Variants in NUDCD1 observed in about 807,000 individuals in gnomAD.
The protein encoded by NUDCD1 is nudC domain-containing protein 1.
Under a neutral mutation model 67.8 loss-of-function variants are expected in NUDCD1, and 60 were observed. That is an observed-to-expected ratio of 0.88 (90% CI 0.72 to 1.10). The LOEUF (loss-of-function observed/expected upper bound fraction) is 1.10. NUDCD1 is among the 50% of genes least tolerant of loss of function. The pLI is 0.00. For missense variants in NUDCD1, 643 were observed against 695.0 expected (o/e 0.93, Z 0.84); for synonymous variants, 244 against 230.8 (o/e 1.06, Z -0.52).
At chr8:109,300,610 A>G (rs1586290964) in intron 2 of NUDCD1, among the ~76,000 whole-genome samples, 1 of 152,172 alleles carries the variant, frequency 6.6e-6, no homozygotes, top group East Asian at 1.9e-4. Context: ...ATGTTAAATG[A>G]CCAAACCTAA....
intron 5 of NUDCD1, among the ~76,000 whole-genome samples, chr8:109,287,455 G>T (rs762520226): frequency 6.6e-6 from 1 of 152,100 alleles, no homozygotes; most frequent in African/African-American, 2.4e-5. Flanking sequence ...ATACTACACA[G>T]CCAGGTAAAA....
chr8:109,323,340 T>C (rs949432351), intron 1 of NUDCD1, among the ~76,000 whole-genome samples: 6 of 152,198 alleles, frequency 3.9e-5, no homozygotes, highest in African/African-American at 1.4e-4. Context: ...CTGTCTGACT[T>C]ATATTCATTT....
At chr8:109,250,158 T>C (rs987303501) in intron 8 of NUDCD1, among the ~76,000 whole-genome samples, 2 of 152,196 alleles carry the variant, frequency 1.3e-5, no homozygotes, top group African/African-American at 2.4e-5. Flanking sequence ...AATTGTTGAA[T>C]TCTTTACTTC....
intron 6 of NUDCD1, among the ~76,000 whole-genome samples, chr8:109,276,277 A>G (rs1814285396): frequency 6.6e-6 from 1 of 152,188 alleles, no homozygotes; most frequent in African/African-American, 2.4e-5. Flanking sequence ...AACTTGTCCC[A>G]TGTTCCTCTG....
chr8:109,290,892 A>C (rs1266066710), intron 4 of NUDCD1, among the ~76,000 whole-genome samples: 1 of 152,152 alleles, frequency 6.6e-6, no homozygotes, highest in African/African-American at 2.4e-5. Context: ...TTTTACTCAA[A>C]ATCCTCACCT....
Position 109,243,391 on chromosome 8 carries a change from T to C in NUDCD1, c.1460-90A>G, listed in dbSNP as rs1272111129. The C allele has an allele frequency of 9.4e-6, 10 of 1,062,018 alleles. No individual in the cohort carries two copies. The East Asian group carries it at 2.2e-4, about 24-fold the overall frequency. The allele number at this position is 1,062,018 out of a possible 1,614,324, so 65.8% of individuals were successfully genotyped here. A position where few individuals can be genotyped will look rare whatever the true frequency, so the allele number is the denominator to read the frequency against. Reference sequence around the variant, plus strand: ...TTTAACATTTAATATTTTGCAATGTTTATTACAAATTAAAATGCCCAAGTA... The same window carrying C: ...TTTAACATTTAATATTTTGCAATGTCTATTACAAATTAAAATGCCCAAGTA... On this transcript the variant is annotated intron_variant, in intron 9 of 9. Transcript: ENST00000239690.
intron 5 of NUDCD1, among the ~76,000 whole-genome samples, chr8:109,288,679 T>C (rs1004589056): frequency 1.3e-5 from 2 of 152,204 alleles, no homozygotes; most frequent in African/African-American, 4.8e-5. Flanking sequence ...GCTCTGCTTA[T>C]GGAGTAGCCA....
chr8:109,303,167 C>T (rs1375077578), intron 2 of NUDCD1, among the ~76,000 whole-genome samples: 2 of 152,180 alleles, frequency 1.3e-5, no homozygotes, highest in South Asian at 4.1e-4. Context: ...TGTGGGACCC[C>T]ACTGGAAATC....
intron 8 of NUDCD1, among the ~76,000 whole-genome samples, chr8:109,260,777 A>G (rs1316949173): frequency 6.7e-6 from 1 of 149,882 alleles, no homozygotes; most frequent in Non-Finnish European, 1.5e-5. Flanking sequence ...TCTCTGGGAT[A>G]TCACATAAAT....
At chr8:109,320,567 A>T (rs1011258012) in intron 2 of NUDCD1, among the ~76,000 whole-genome samples, 12 of 152,208 alleles carry the variant, frequency 7.9e-5, no homozygotes, top group Admixed American at 7.9e-4. Context: ...CAATTTGTGC[A>T]GTTAATGCAA....
At chr8:109,245,530 G>C (rs770673946) in intron 8 of NUDCD1, 49 bp from the exon 9 acceptor site, 1 of 1,445,366 alleles carries the variant, frequency 6.9e-7, no homozygotes, top group East Asian at 2.4e-5. Flanking sequence ...ATTAATAATA[G>C]CAACAATAAC....
intron 4 of NUDCD1, among the ~76,000 whole-genome samples, chr8:109,291,644 G>C (rs1398651832): frequency 6.6e-6 from 1 of 152,074 alleles, no homozygotes; most frequent in Non-Finnish European, 1.5e-5. Flanking sequence ...TAGTAGTCTG[G>C]GAGAGAAGGA....
intron 2 of NUDCD1, among the ~76,000 whole-genome samples, chr8:109,318,243 T>C (rs1815449018): frequency 6.6e-6 from 1 of 152,184 alleles, no homozygotes; most frequent in Non-Finnish European, 1.5e-5. Context: ...AGATTATGAA[T>C]ATGGATGGTA....
chr8:109,322,684 T>G (rs895027228), intron 1 of NUDCD1, among the ~76,000 whole-genome samples: 2 of 152,128 alleles, frequency 1.3e-5, no homozygotes, highest in African/African-American at 2.4e-5. Context: ...TTACAAGACT[T>G]AGAATACAGC....
chr8:109,312,298 C>CAAAAAAAAAAAAAAAAAAAAAAAAAAA (rs5893951), intron 2 of NUDCD1, among the ~76,000 whole-genome samples: 1 of 82,612 alleles, frequency 1.2e-5, no homozygotes, highest in Non-Finnish European at 2.3e-5. Flanking sequence ...GAGACACTGT[C>CAAAAAAAAAAAAAAAAAAAAAAAAAAA]AAAAAAAAAA....
Position 109,296,509 on chromosome 8 carries a change from C to G in NUDCD1, c.334G>C (p.Asp112His). The change falls in exon 3 of 10, where the codon GAC (aspartate) becomes CAC (histidine). Residue 112 changes from aspartate to histidine, a missense_variant. By Grantham distance (81) the Asp-to-His change is moderately conservative. Coordinates refer to ENST00000239690, the MANE Select transcript of NUDCD1 (RefSeq NM_032869.4). ...TGGATAGATGCACAAAGACGGTTGT[C>G]ACATGCTGTCAAATCTGTAGGAAGT... The part of the protein sequence containing the change: ...FRLPTDLTAC[D>H]NRLCASIHFS... 1 of 1,612,930 alleles carries G rather than the reference C, an allele frequency of 6.2e-7. No individual in the cohort carries two copies. Among genetic ancestry groups the G allele is most frequent in the Non-Finnish European group, 8.5e-7 (1 of 1,179,238 alleles).
In NUDCD1 at chr8:109,293,525, C is replaced by T; in HGVS notation, c.460-1G>A. On this transcript the variant is annotated splice_acceptor_variant, in intron 3 of 9. Coordinates refer to ENST00000239690, the MANE Select transcript of NUDCD1 (RefSeq NM_032869.4). LOFTEE classifies it high-confidence loss of function. Reference sequence around the variant, plus strand: ...CCCCAAGTTCTTCATTAAACATAATCTACAAAACAAAATTACACACACAAA... The same window carrying T: ...CCCCAAGTTCTTCATTAAACATAATTTACAAAACAAAATTACACACACAAA... 6.7e-7 allele frequency: 1 copy of T among 1,500,616 alleles called. No individual in the cohort carries two copies. Among genetic ancestry groups the T allele is most frequent in the Non-Finnish European group, 9.0e-7 (1 of 1,117,018 alleles). 93.0% of individuals were successfully genotyped at this position (1,500,616 alleles called of 1,614,324 possible). A position where few individuals can be genotyped will look rare whatever the true frequency, so the allele number is the denominator to read the frequency against.
Position 109,252,555 on chromosome 8 carries a change from G to A in NUDCD1, c.1300-7074C>T, listed in dbSNP as rs751490147. ...GGACATCTTCTAATGTCCTGCCCTC[G>A]CCAAGGTCCATAAAGAAGATCCTTT... On this transcript the variant is annotated intron_variant, in intron 8 of 9. Transcript: ENST00000239690. Among the ~76,000 whole-genome samples the A allele has an allele frequency of 7.3e-4, 111 of 152,048 alleles. 1 individual carries two copies. The highest frequency in any genetic ancestry group is 1.0e-3 in the Non-Finnish European group (70 of 68,018).
chr8:109,296,094 G>C (rs1290923165), intron 3 of NUDCD1, among the ~76,000 whole-genome samples: 1 of 152,078 alleles, frequency 6.6e-6, no homozygotes, highest in Non-Finnish European at 1.5e-5. Flanking sequence ...AGAAGGAGGA[G>C]GCAACGCCAA....
Sources: gnomAD v4.1 joint callset for allele counts (sites outside exome capture counted in the v4.1 genomes callset) on GRCh38, gnomAD v4.1.1 for gene constraint, MANE v1.5 for transcripts, NCBI Gene and HGNC (gene_info 2026-07-23, HGNC 2026-07-21) for gene names.